The following SLC16A9 variants were observed in gnomAD, a reference collection of about 807,000 sequenced individuals.
The protein encoded by SLC16A9 is monocarboxylate transporter 9.
SLC16A9 carries 26 observed loss-of-function variants against 44.3 expected under a neutral mutation model. That is an observed-to-expected ratio of 0.59 (90% CI 0.43 to 0.81). The LOEUF (loss-of-function observed/expected upper bound fraction) is 0.81. SLC16A9 is among the 40% of genes least tolerant of loss of function. The pLI is 0.00. For synonymous variants in SLC16A9, 230 were observed against 225.1 expected (o/e 1.02, Z -0.19); for missense variants, 559 against 595.8 (o/e 0.94, Z 0.64).
intron 1 of SLC16A9, among the ~76,000 whole-genome samples, chr10:59,695,694 G>C (rs1167168818): frequency 6.6e-6 from 1 of 152,058 alleles, no homozygotes; most frequent in African/African-American, 2.4e-5. Flanking sequence ...TGGTTATTAT[G>C]GCTCCTCAAA....
At chr10:59,675,698 A>G (rs1014330439) in intron 2 of SLC16A9, among the ~76,000 whole-genome samples, 1 of 152,208 alleles carries the variant, frequency 6.6e-6, no homozygotes, top group South Asian at 2.1e-4. Context: ...ACGGAGCATG[A>G]GCACAGCCTC....
chr10:59,661,755 A>G (rs1383145542), intron 4 of SLC16A9, among the ~76,000 whole-genome samples: 20 of 145,524 alleles, frequency 1.4e-4, no homozygotes, highest in Admixed American at 1.3e-4. Context: ...ACTATACTAC[A>G]AGGCTACAGT....
intron 1 of SLC16A9, among the ~76,000 whole-genome samples, chr10:59,701,301 T>C (rs1187448728): frequency 1.3e-5 from 2 of 152,204 alleles, no homozygotes; most frequent in African/African-American, 4.8e-5. Flanking sequence ...TGCCTACAGG[T>C]GGATCCCTCA....
intron 1 of SLC16A9, among the ~76,000 whole-genome samples, chr10:59,688,019 A>G (rs1299409497): frequency 6.6e-6 from 1 of 151,834 alleles, no homozygotes; most frequent in Non-Finnish European, 1.5e-5. Flanking sequence ...TTCTTTTCCT[A>G]AACAGCTTAC....
intron 3 of SLC16A9, among the ~76,000 whole-genome samples, chr10:59,666,718 A>G (rs1839625861): frequency 6.6e-6 from 1 of 152,182 alleles, no homozygotes; most frequent in African/African-American, 2.4e-5. Flanking sequence ...AACCACTTTT[A>G]AAATATAACA....
intron 1 of SLC16A9, among the ~76,000 whole-genome samples, chr10:59,694,486 TATAG>T (rs1459378263): frequency 6.6e-6 from 1 of 152,014 alleles, no homozygotes; most frequent in Non-Finnish European, 1.5e-5. Flanking sequence ...TAAGATAGAC[TATAG>T]ATAGAATACA....
intron 2 of SLC16A9, among the ~76,000 whole-genome samples, chr10:59,675,384 A>G (rs1235694948): frequency 2.0e-5 from 3 of 152,224 alleles, no homozygotes; most frequent in Admixed American, 6.5e-5. Flanking sequence ...CTGTTAGAGT[A>G]GGTAGTTAGG....
At chr10:59,700,371 C>A (rs1372450556) in intron 1 of SLC16A9, among the ~76,000 whole-genome samples, 1 of 152,214 alleles carries the variant, frequency 6.6e-6, no homozygotes, top group Non-Finnish European at 1.5e-5. Context: ...ATTCTTCATA[C>A]CCCAGTTTGC....
At chr10:59,707,268 G>A (rs568914416) in intron 1 of SLC16A9, among the ~76,000 whole-genome samples, 32 of 130,158 alleles carry the variant, frequency 2.5e-4, no homozygotes, top group African/African-American at 9.5e-4. Context: ...AGGAGGGGAG[G>A]GGAGAGGAGG....
chr10:59,661,929 C>G (rs940792587), intron 4 of SLC16A9, among the ~76,000 whole-genome samples: 14 of 152,052 alleles, frequency 9.2e-5, no homozygotes, highest in Non-Finnish European at 1.6e-4. Flanking sequence ...ACAGGCTAGC[C>G]ATATGCAGAA....
chr10:59,653,425 CAAAAA>C (rs562805430), intron 5 of SLC16A9, among the ~76,000 whole-genome samples: 2,992 of 36,796 alleles, frequency 0.081, 234 homozygotes, highest in African/African-American at 0.16. Flanking sequence ...AACTCCGTCT[CAAAAA>C]AAAAAAAAAA....
intron 1 of SLC16A9, among the ~76,000 whole-genome samples, chr10:59,697,114 GT>G (rs765040838): frequency 5.5e-5 from 4 of 72,664 alleles, no homozygotes; most frequent in South Asian, 7.8e-4. Flanking sequence ...AGGTGGGGGG[GT>G]TCAGCCCCCC....
At chr10:59,654,712 T>C (rs1241281889) in intron 4 of SLC16A9, 123 bp from the exon 5 acceptor site, 20 of 728,802 alleles carry the variant, frequency 2.7e-5, no homozygotes, top group Admixed American at 9.7e-5. Context: ...ATTAAAATCA[T>C]ATTAAGAAGA....
At chr10:59,694,283 C>A (rs1174167122) in intron 1 of SLC16A9, among the ~76,000 whole-genome samples, 1 of 152,014 alleles carries the variant, frequency 6.6e-6, no homozygotes, top group Non-Finnish European at 1.5e-5. Flanking sequence ...GTTGTGGTGG[C>A]CTTGATCAGA....
At chr10:59,670,937 G>A (rs542584513) in intron 3 of SLC16A9, among the ~76,000 whole-genome samples, 1 of 152,146 alleles carries the variant, frequency 6.6e-6, no homozygotes, top group Non-Finnish European at 1.5e-5. Context: ...TAACTCACAG[G>A]TCCCCAATAA....
intron 1 of SLC16A9, among the ~76,000 whole-genome samples, chr10:59,703,276 T>C (rs1408006660): frequency 6.6e-6 from 1 of 152,186 alleles, no homozygotes; most frequent in African/African-American, 2.4e-5. Context: ...CAGGTGCCAC[T>C]ATGACCGCTA....
chr10:59,657,153 C>G (rs976851318), intron 4 of SLC16A9, among the ~76,000 whole-genome samples: 2 of 152,144 alleles, frequency 1.3e-5, no homozygotes, highest in African/African-American at 4.8e-5. Flanking sequence ...TTTATGCACG[C>G]TGAAATGTAA....
rs746800862 is a variant in SLC16A9, at chr10:59,652,726, T to C, written c.*46A>G. On this transcript the variant is annotated 3_prime_UTR_variant, in exon 6 of 6. Transcript: ENST00000395348. ...GCTTGAGAATCTGTTAAAATATCGT[T>C]GCTATATGGTATAAAATAGCAAAAA... The C allele has an allele frequency of 6.6e-7, 1 of 1,514,866 alleles. No homozygotes were observed. The highest frequency in any genetic ancestry group is 8.9e-7 in the Non-Finnish European group (1 of 1,126,682). 93.8% of individuals were successfully genotyped at this position (1,514,866 alleles called of 1,614,324 possible). A position where few individuals can be genotyped will look rare whatever the true frequency, so the allele number is the denominator to read the frequency against.
At chr10:59,687,471 T>C (rs1156270482) in intron 1 of SLC16A9, among the ~76,000 whole-genome samples, 1 of 152,252 alleles carries the variant, frequency 6.6e-6, no homozygotes, top group African/African-American at 2.4e-5. Flanking sequence ...CAATTTTCCC[T>C]TTATAACTCT....
Sources: allele counts gnomAD v4.1 joint callset (sites outside exome capture counted in the v4.1 genomes callset), GRCh38; gene constraint gnomAD v4.1.1; transcripts MANE v1.5; gene names NCBI Gene and HGNC (gene_info 2026-07-23, HGNC 2026-07-21).